The following BCR variants were observed in gnomAD, a reference collection of about 807,000 sequenced individuals.
BCR encodes breakpoint cluster region protein.
Under a neutral mutation model 138.6 loss-of-function variants are expected in BCR, and 58 were observed. The observed-to-expected ratio is 0.42, with a 90% CI of 0.34 to 0.52. The LOEUF is 0.52. BCR is among the 20% of genes least tolerant of loss of function. The probability of loss-of-function intolerance (pLI) is 0.06; values close to 1 mark genes in which losing one functional copy is unlikely to be tolerated. For synonymous variants in BCR, 786 were observed against 730.1 expected, an observed-to-expected ratio of 1.08 and a Z score of -1.23; for missense variants, 1,599 against 1,727.2, an observed-to-expected ratio of 0.93 and a Z score of 1.32.
At chr22:23,272,577 C>A (rs6519427) in intron 6 of BCR, among the ~76,000 whole-genome samples, 8,434 of 152,130 alleles carry the variant, frequency 0.055, 795 homozygotes, top group African/African-American at 0.19. Context: ...TCCGGGTGTC[C>A]TCGGGCAGGT....
intron 1 of BCR, among the ~76,000 whole-genome samples, chr22:23,232,358 G>A (rs2072968768): frequency 6.6e-6 from 1 of 152,218 alleles, no homozygotes; most frequent in Non-Finnish European, 1.5e-5. Flanking sequence ...TCACCCACCT[G>A]GGCAGTGGTA....
intron 1 of BCR, among the ~76,000 whole-genome samples, chr22:23,247,577 CAG>C (rs1177020062): frequency 6.6e-6 from 1 of 152,148 alleles, no homozygotes; most frequent in African/African-American, 2.4e-5. Flanking sequence ...GAGGTTGGGT[CAG>C]GGGCTGGGTT....
intron 1 of BCR, among the ~76,000 whole-genome samples, chr22:23,218,394 A>G (rs1427739767): frequency 6.6e-6 from 1 of 152,168 alleles, no homozygotes; most frequent in Non-Finnish European, 1.5e-5. Flanking sequence ...TAATCAGACA[A>G]TATCCAGGGG....
intron 1 of BCR, among the ~76,000 whole-genome samples, chr22:23,232,198 C>T (rs1172625543): frequency 6.6e-6 from 1 of 152,368 alleles, no homozygotes; most frequent in African/African-American, 2.4e-5. Context: ...ACCCAGGACC[C>T]CAAGTGCTCT....
At chr22:23,233,436 G>A (rs746416623) in intron 1 of BCR, among the ~76,000 whole-genome samples, 13 of 152,190 alleles carry the variant, frequency 8.5e-5, no homozygotes, top group Non-Finnish European at 1.6e-4. Flanking sequence ...TGGTGTATGT[G>A]TAAAATGCCT....
Position 23,253,825 on chromosome 22 carries a change from TAC to T in BCR, c.1307_1308del (p.Tyr436TrpfsTer21). On this transcript the variant is annotated frameshift_variant, in exon 2 of 23. Coordinates refer to ENST00000305877, the MANE Select transcript of BCR (RefSeq NM_004327.4). LOFTEE classifies it high-confidence loss of function. ...ADGSFGTPPGYGCAADRAEEQ... is the reference protein window; with the variant it reads ...ADGSFGTPPGXGCAADRAEEQ... ...TGGCTCGTTCGGAACACCACCTGGATACGGCTGCGCTGCAGACCGGGCAGAGG... is the reference window on the plus strand; with the variant it reads ...TGGCTCGTTCGGAACACCACCTGGATGGCTGCGCTGCAGACCGGGCAGAGG... 6.2e-7 allele frequency: 1 copy of T among 1,612,818 alleles called. No homozygotes were observed. The highest frequency in any genetic ancestry group is 8.5e-7 in the Non-Finnish European group (1 of 1,179,756).
At chr22:23,289,213 C>A (rs1489000650) in intron 12 of BCR, among the ~76,000 whole-genome samples, 1 of 152,242 alleles carries the variant, frequency 6.6e-6, no homozygotes, top group Non-Finnish European at 1.5e-5. Flanking sequence ...CAGGGAGGTG[C>A]TCCCAGTCCA....
In BCR at chr22:23,252,431, T is replaced by C. The variant is rs2073240538; in HGVS notation, c.1280-1368T>C. 2.2e-5 allele frequency among the ~76,000 whole-genome samples: 3 copies of C among 138,826 alleles called. 1 individual carries two copies. The Admixed American group carries it at 2.2e-4, about 10-fold the overall frequency. 91.1% of individuals were successfully genotyped at this position (138,826 alleles called of 152,430 possible). A position where few individuals can be genotyped will look rare whatever the true frequency, so the allele number is the denominator to read the frequency against. ...GTTTCCCTTTCTTTTTCTTTTCTTT[T>C]CTTTTTTTTTTTTTTTTGAGACAGA... On this transcript the variant is annotated intron_variant, in intron 1 of 22. Coordinates refer to ENST00000305877, the MANE Select transcript of BCR (RefSeq NM_004327.4).
At chr22:23,222,894 C>A (rs890283577) in intron 1 of BCR, among the ~76,000 whole-genome samples, 2 of 152,110 alleles carry the variant, frequency 1.3e-5, no homozygotes, top group Non-Finnish European at 2.9e-5. Flanking sequence ...TGTTTATAAA[C>A]AAGAGAGATT....
chr22:23,232,178 G>C (rs887196135), intron 1 of BCR, among the ~76,000 whole-genome samples: 2 of 152,246 alleles, frequency 1.3e-5, no homozygotes, highest in African/African-American at 4.8e-5. Context: ...GGCCCAGTAG[G>C]GATGATAGGA....
chr22:23,283,346 A>G (rs1249858120), intron 8 of BCR: 1 of 152,122 alleles, frequency 6.6e-6, no homozygotes, highest in Admixed American at 6.6e-5. Flanking sequence ...CACATGTGGG[A>G]CCCTCAGTTC....
chr22:23,293,097 C>A (rs1462605728), intron 15 of BCR, among the ~76,000 whole-genome samples: 1 of 151,986 alleles, frequency 6.6e-6, no homozygotes, highest in Non-Finnish European at 1.5e-5. Flanking sequence ...TGTCGCCGTG[C>A]CTTCCTCCAC....
chr22:23,188,056 G>A (rs1291848997), intron 1 of BCR, among the ~76,000 whole-genome samples: 1 of 152,224 alleles, frequency 6.6e-6, no homozygotes, highest in Non-Finnish European at 1.5e-5. Context: ...GTGGGGCAGA[G>A]AAAGGTCACC....
At chr22:23,264,137 C>T (rs1438642063) in intron 4 of BCR, 2 of 1,514,308 alleles carry the variant, frequency 1.3e-6, no homozygotes, top group South Asian at 2.2e-5. Flanking sequence ...ACAACAGCAC[C>T]CTGTACTGCC....
At chr22:23,265,898 A>G (rs933055115) in intron 4 of BCR, among the ~76,000 whole-genome samples, 4 of 152,202 alleles carry the variant, frequency 2.6e-5, no homozygotes, top group African/African-American at 7.2e-5. Context: ...ATGAGATACT[A>G]TTATTTAATA....
At chr22:23,216,087 G>C (rs2072748418) in intron 1 of BCR, among the ~76,000 whole-genome samples, 1 of 152,170 alleles carries the variant, frequency 6.6e-6, no homozygotes, top group Admixed American at 6.5e-5. Flanking sequence ...ACGTTTTATG[G>C]ATAGGTGCTC....
chr22:23,246,723 C>G (rs1416549981), intron 1 of BCR, among the ~76,000 whole-genome samples: 1 of 152,174 alleles, frequency 6.6e-6, no homozygotes, highest in African/African-American at 2.4e-5. Context: ...GGGTTTTCAG[C>G]ACCATATGTG....
At chr22:23,255,588 T>C (rs143115136) in intron 2 of BCR, among the ~76,000 whole-genome samples, 1,735 of 152,342 alleles carry the variant, frequency 0.011, 15 homozygotes, top group Non-Finnish European at 0.017. Context: ...TCTTGAGGGC[T>C]ATCTGCACCC....
At chr22:23,198,242 G>A (rs749494564) in intron 1 of BCR, 2 of 439,968 alleles carry the variant, frequency 4.5e-6, no homozygotes, top group Non-Finnish European at 8.9e-6. Flanking sequence ...GGGGATTCAG[G>A]ATTAGGGTCC....
Sources: allele counts gnomAD v4.1 joint callset (sites outside exome capture counted in the v4.1 genomes callset), GRCh38; gene constraint gnomAD v4.1.1; transcripts MANE v1.5; gene names NCBI Gene and HGNC (gene_info 2026-07-23, HGNC 2026-07-21).